Variants in SOX13 observed in about 807,000 individuals in gnomAD.
SOX13 encodes the protein transcription factor SOX-13.
In SOX13, 28 loss-of-function variants were observed where a neutral mutation model predicts 71.8. The observed-to-expected ratio is 0.39, with a 90% confidence interval of 0.29 to 0.53. The LOEUF (loss-of-function observed/expected upper bound fraction) is 0.53, where lower values mean the gene tolerates loss of function less well. Among genes scored for constraint, SOX13 ranks in the 20% least tolerant of loss-of-function variants. The pLI is 0.70. For missense variants in SOX13, 627 were observed against 810.3 expected, an observed-to-expected ratio of 0.77 and a Z score of 2.75; for synonymous variants, 309 against 317.8, an observed-to-expected ratio of 0.97 and a Z score of 0.29.
Position 204,123,225 on chromosome 1 carries a change from AG to A in SOX13, c.1231+20del. On this transcript the variant is annotated intron_variant, in intron 11 of 13. Coordinates refer to ENST00000367204, the MANE Select transcript of SOX13 (RefSeq NM_005686.3). This position sits in a 1 kb window ranked among gnomAD's most constrained non-coding sequence, Gnocchi z 5.0. Reference sequence around the variant, plus strand: ...ACATGGATGGTGAGGGCTCAGGCGCAGGGCTGATGCGCAGGAGGGCCCAACT... The same window carrying A: ...ACATGGATGGTGAGGGCTCAGGCGCAGGCTGATGCGCAGGAGGGCCCAACT... 1 of 1,594,742 alleles carries A rather than the reference AG, an allele frequency of 6.3e-7. No homozygotes were observed. Among genetic ancestry groups the A allele is most frequent in the Non-Finnish European group, 8.6e-7 (1 of 1,162,648 alleles).
intron 1 of SOX13, among the ~76,000 whole-genome samples, chr1:204,110,059 C>T (rs1447334874): frequency 6.6e-6 from 1 of 151,762 alleles, no homozygotes; most frequent in Non-Finnish European, 1.5e-5. Context: ...CTCGAACTCC[C>T]GGCTTCAGGT....
chr1:204,112,821 G>T, intron 1 of SOX13, 94 bp from the exon 2 acceptor site: 2 of 974,342 alleles, frequency 2.1e-6, no homozygotes, highest in Non-Finnish European at 3.0e-6. Flanking sequence ...GGAGGCACTT[G>T]GGTGGGGTCA....
At chr1:204,120,074 A>G (rs1298071673) in intron 7 of SOX13, among the ~76,000 whole-genome samples, 1 of 152,228 alleles carries the variant, frequency 6.6e-6, no homozygotes, top group Non-Finnish European at 1.5e-5. Context: ...GGTAAGACTC[A>G]AGGTATAATT....
intron 1 of SOX13, among the ~76,000 whole-genome samples, chr1:204,100,103 G>A (rs1656331059): frequency 6.6e-6 from 1 of 152,210 alleles, no homozygotes; most frequent in African/African-American, 2.4e-5. Flanking sequence ...TTGTGCCACT[G>A]TACTCCAGCC....
At chr1:204,112,166 C>T (rs898630601) in intron 1 of SOX13, among the ~76,000 whole-genome samples, 3 of 152,144 alleles carry the variant, frequency 2.0e-5, no homozygotes, top group East Asian at 1.9e-4. Flanking sequence ...GTAGGCTGGG[C>T]GTGGTGGCTT....
chr1:204,084,296 G>C (rs1336636698), intron 1 of SOX13, among the ~76,000 whole-genome samples: 1 of 152,162 alleles, frequency 6.6e-6, no homozygotes, highest in Admixed American at 6.5e-5. Flanking sequence ...AGCTGCCAGG[G>C]GATTGAAACC....
chr1:204,076,009 C>G (rs1421145567), intron 1 of SOX13, among the ~76,000 whole-genome samples: 1 of 152,154 alleles, frequency 6.6e-6, no homozygotes, highest in Non-Finnish European at 1.5e-5. Flanking sequence ...CTGATTCCAG[C>G]CCCTCAGATC....
At chr1:204,109,889 A>G (rs920305898) in intron 1 of SOX13, among the ~76,000 whole-genome samples, 2 of 151,696 alleles carry the variant, frequency 1.3e-5, no homozygotes, top group African/African-American at 2.4e-5. Context: ...CTGGAGTGCA[A>G]TGGCACCATC....
At chr1:204,079,005 A>G (rs1655842153) in intron 1 of SOX13, among the ~76,000 whole-genome samples, 1 of 152,172 alleles carries the variant, frequency 6.6e-6, no homozygotes, top group South Asian at 2.1e-4. Flanking sequence ...CTCCCCTAGG[A>G]AAAGATTTCT....
chr1:204,075,871 T>C (rs1655776601), intron 1 of SOX13, among the ~76,000 whole-genome samples: 1 of 152,194 alleles, frequency 6.6e-6, no homozygotes. Context: ...TGAGCTATTA[T>C]TGCCATTATT....
chr1:204,098,488 TTTGTTG>T (rs573774494), intron 1 of SOX13, among the ~76,000 whole-genome samples: 23 of 151,744 alleles, frequency 1.5e-4, no homozygotes, highest in Non-Finnish European at 2.2e-4. Flanking sequence ...AAAAAAAAAT[TTTGTTG>T]TTGTTGTTGT....
At chr1:204,117,826 G>T (rs1381055137) in intron 7 of SOX13, 119 bp downstream of exon 7, 3 of 660,192 alleles carry the variant, frequency 4.5e-6, no homozygotes, top group African/African-American at 1.8e-5. Context: ...CCTCAGTTTT[G>T]GATCTGTCTG....
chr1:204,080,528 C>T (rs577810504), intron 1 of SOX13, among the ~76,000 whole-genome samples: 2 of 152,250 alleles, frequency 1.3e-5, no homozygotes, highest in East Asian at 3.9e-4. Context: ...CTGTTCTCCT[C>T]CCCTCTGCCT....
At chr1:204,110,166 G>A (rs2102250572) in intron 1 of SOX13, among the ~76,000 whole-genome samples, 2 of 151,488 alleles carry the variant, frequency 1.3e-5, no homozygotes, top group South Asian at 2.1e-4. Flanking sequence ...GCCTTGCTCT[G>A]TCACCTTGAC....
chr1:204,116,176 G>T, intron 4 of SOX13: 1 of 1,282,344 alleles, frequency 7.8e-7, no homozygotes, highest in Non-Finnish European at 1.0e-6. Flanking sequence ...TGGGATGGTT[G>T]TCCACCCTGA....
rs1414623075 is a variant in SOX13 at position 204,119,517 on chromosome 1, A to G, written c.775+1810A>G. The stretch of plus-strand genomic sequence containing the variant: ...CACCTCCCAAAGGTCCCACCTCCTA[A>G]GTCTATCACATTGGGAATTAGATTT... On this transcript the variant is annotated intron_variant, in intron 7 of 13. Coordinates refer to ENST00000367204, the MANE Select transcript of SOX13 (RefSeq NM_005686.3). 3 of 152,092 alleles carry G rather than the reference A, an allele frequency of 2.0e-5. No individual in the cohort carries two copies. In the East Asian group the frequency reaches 5.8e-4, roughly 29 times the overall value. 9.4% of individuals were successfully genotyped at this position (152,092 alleles called of 1,614,324 possible).
intron 13 of SOX13, 72 bp from the exon 14 acceptor site, chr1:204,125,786 G>T: frequency 6.7e-7 from 1 of 1,498,322 alleles, no homozygotes; most frequent in Non-Finnish European, 9.0e-7. Flanking sequence ...CTCTGAGGAG[G>T]CCTGGAGGGG....
chr1:204,098,434 G>T (rs550770127), intron 1 of SOX13, among the ~76,000 whole-genome samples: 15 of 152,086 alleles, frequency 9.9e-5, no homozygotes, highest in African/African-American at 3.1e-4. Flanking sequence ...AGCTGAGATG[G>T]TGCCACTGCA....
In SOX13 at chr1:204,084,750, A is replaced by G. The variant is rs1417531756; in HGVS notation, c.-2+11039A>G. On this transcript the variant is annotated intron_variant, in intron 1 of 13. Coordinates refer to ENST00000367204, the MANE Select transcript of SOX13 (RefSeq NM_005686.3). ...CCAGAGATCAGTGACCAGGTCAGCC[A>G]GGGGATGCTGTCTTCCAGATTCACC... Among the ~76,000 whole-genome samples the G allele has an allele frequency of 2.0e-5, 3 of 151,744 alleles. No individual in the cohort carries two copies. The East Asian group carries it at 5.8e-4, about 29-fold the overall frequency.
Sources: allele counts gnomAD v4.1 joint callset (sites outside exome capture counted in the v4.1 genomes callset), GRCh38; gene constraint gnomAD v4.1.1; non-coding constraint Gnocchi (gnomAD v3.1); transcripts MANE v1.5; gene names NCBI Gene and HGNC (gene_info 2026-07-23, HGNC 2026-07-21).